The following THADA variants were observed in gnomAD, a reference collection of about 807,000 sequenced individuals.
THADA encodes THADA armadillo repeat containing.
THADA carries 213 observed loss-of-function variants against 219.8 expected under a neutral mutation model. The observed-to-expected ratio is 0.97, with a 90% CI of 0.87 to 1.09. The LOEUF (loss-of-function observed/expected upper bound fraction) is 1.09, where lower values mean the gene tolerates loss of function less well. Ranked by LOEUF, THADA falls within the 50% of genes least tolerant of loss-of-function variation. The probability of loss-of-function intolerance (pLI) is 0.00; values close to 1 mark genes in which losing one functional copy is unlikely to be tolerated. For missense variants in THADA, 2,956 were observed against 2,311.3 expected (o/e 1.28, Z -5.72); for synonymous variants, 1,018 against 828.9 (o/e 1.23, Z -3.92).
intron 24 of THADA, among the ~76,000 whole-genome samples, chr2:43,502,771 G>C (rs1361479995): frequency 6.6e-6 from 1 of 151,676 alleles, no homozygotes; most frequent in Non-Finnish European, 1.5e-5. Flanking sequence ...AAAGTAAAAA[G>C]AGAAAACATA....
intron 32 of THADA, 70 bp downstream of exon 32, chr2:43,292,764 C>G: frequency 1.3e-6 from 2 of 1,545,844 alleles, no homozygotes; most frequent in Non-Finnish European, 1.7e-6. Context: ...CTTCATGATC[C>G]TACCATTCCA....
At chr2:43,233,033 G>A (rs915222338) in intron 36 of THADA, 151 bp from the exon 37 acceptor site, 18 of 725,352 alleles carry the variant, frequency 2.5e-5, no homozygotes, top group African/African-American at 3.6e-5. Flanking sequence ...CACTGGAGAC[G>A]ATTAATCACC....
chr2:43,411,699 A>C (rs13429458), intron 28 of THADA, among the ~76,000 whole-genome samples: 20,962 of 152,206 alleles, frequency 0.14, 1,574 homozygotes, highest in East Asian at 0.2. Context: ...AAGATGAAAC[A>C]AAACTGATTA....
At chr2:43,340,158 G>A (rs1425304337) in intron 30 of THADA, among the ~76,000 whole-genome samples, 1 of 152,124 alleles carries the variant, frequency 6.6e-6, no homozygotes, top group Non-Finnish European at 1.5e-5. Context: ...GATCAAGAAG[G>A]GAGGAGTGGA....
At chr2:43,268,240 G>C (rs977221081) in intron 36 of THADA, among the ~76,000 whole-genome samples, 2 of 152,174 alleles carry the variant, frequency 1.3e-5, no homozygotes, top group Non-Finnish European at 2.9e-5. Flanking sequence ...TGATGCATCA[G>C]TGAACAGGTC....
At position 43,541,250 on chromosome 2, in the gene THADA, T is replaced by C. The variant is rs1310760511; in HGVS notation, c.3173A>G (p.Lys1058Arg). The C allele has an allele frequency of 6.2e-6, 10 of 1,612,818 alleles. No homozygotes were observed. Among genetic ancestry groups the C allele is most frequent in the Non-Finnish European group, 8.5e-6 (10 of 1,179,470 alleles). ...CATGCCTAAAAGTAAAGCAACTTCC[T>C]TCATACTTCTCCAACAACATACCAG... The part of the protein sequence containing the change: ...MVLVCCWRSM[K>R]EVALLLGMLC... Residue 1058 changes from lysine (K) to arginine (R), a missense_variant, in exon 21 of 38, where the codon AAG (lysine) becomes AGG (arginine). By Grantham distance (26) the Lys-to-Arg change is conservative (BLOSUM62 2). Transcript: ENST00000405975.
chr2:43,516,260 C>T (rs994150980), intron 22 of THADA, among the ~76,000 whole-genome samples: 1 of 152,156 alleles, frequency 6.6e-6, no homozygotes, highest in Non-Finnish European at 1.5e-5. Flanking sequence ...GATCATGTCA[C>T]TCCTCTGTTC....
At chr2:43,339,442 C>T (rs1385378797) in intron 30 of THADA, among the ~76,000 whole-genome samples, 1 of 152,114 alleles carries the variant, frequency 6.6e-6, no homozygotes, top group African/African-American at 2.4e-5. Flanking sequence ...CACCACTCAG[C>T]TAATTTTTTG....
intron 28 of THADA, among the ~76,000 whole-genome samples, chr2:43,405,285 A>G (rs1356587168): frequency 6.6e-6 from 1 of 152,210 alleles, no homozygotes; most frequent in South Asian, 2.1e-4. Context: ...AGGAAAACAT[A>G]TATGTGTGGG....
chr2:43,520,111 G>C (rs1304791375), intron 22 of THADA, among the ~76,000 whole-genome samples: 2 of 152,152 alleles, frequency 1.3e-5, no homozygotes, highest in African/African-American at 4.8e-5. Flanking sequence ...TAAAAAGAAA[G>C]GTTCTCGAGT....
intron 30 of THADA, among the ~76,000 whole-genome samples, chr2:43,336,742 A>C (rs1666483013): frequency 6.6e-6 from 1 of 152,234 alleles, no homozygotes; most frequent in Non-Finnish European, 1.5e-5. Flanking sequence ...ACCTCTCCAG[A>C]TGATTCTAAA....
In THADA at chr2:43,572,881, G is replaced by T. The variant is rs1272284995; in HGVS notation, c.1841C>A (p.Thr614Asn). The change falls in exon 12 of 38, where the codon ACT becomes AAT. Residue 614 changes from threonine (T) to asparagine (N), a missense_variant. By Grantham distance (65) the Thr-to-Asn change is moderately conservative. Coordinates refer to ENST00000405975, the MANE Select transcript of THADA (RefSeq NM_022065.5). ...ARAHGHLQSA[T>N]DTWENLVSDA... ...AGACACGAGGTTCTCCCAGGTATCA[G>T]TTGCAGACTGAAGATGTCCATGAGC... The T allele has an allele frequency of 2.5e-6, 4 of 1,613,940 alleles. No individual in the cohort carries two copies. The highest frequency in any genetic ancestry group is 2.2e-5 in the East Asian group (1 of 44,874).
At chr2:43,469,582 C>A (rs1400977660) in intron 26 of THADA, among the ~76,000 whole-genome samples, 1 of 152,084 alleles carries the variant, frequency 6.6e-6, no homozygotes, top group Non-Finnish European at 1.5e-5. Flanking sequence ...CTGATATAAT[C>A]TTATTTTTTA....
chr2:43,274,555 G>C (rs1195046132), intron 36 of THADA, among the ~76,000 whole-genome samples: 3 of 152,196 alleles, frequency 2.0e-5, no homozygotes, highest in African/African-American at 7.2e-5. Context: ...GCGTAGAATA[G>C]CAAAGGCTCT....
Position 43,586,423 on chromosome 2 carries a change from T to A in THADA, c.511A>T (p.Ile171Phe), listed in dbSNP as rs372211488. Residue 171 changes from isoleucine to phenylalanine, a missense_variant, in exon 7 of 38, where the codon ATT becomes TTT. Ile to Phe is a conservative substitution (Grantham distance 21). Transcript: ENST00000405975. ...NVLHFLQKSL[I>F]EILEENRKCA... The stretch of plus-strand genomic sequence containing the variant: ...TGCCTATTTTCTTCCAGGATTTCAA[T>A]TAAACTCTTCTGCAGAAAATGAAGC... 4.4e-6 allele frequency: 7 copies of A among 1,583,958 alleles called. No individual in the cohort carries two copies. The highest frequency in any genetic ancestry group is 4.0e-5 in the African/African-American group (3 of 74,220).
intron 16 of THADA, 77 bp downstream of exon 16, chr2:43,560,157 T>G: frequency 4.6e-6 from 6 of 1,291,732 alleles, no homozygotes; most frequent in Non-Finnish European, 6.4e-6. Flanking sequence ...AGCACATGAA[T>G]AATCCTCAGA....
intron 36 of THADA, among the ~76,000 whole-genome samples, chr2:43,253,975 G>A (rs150633437): frequency 1.3e-5 from 2 of 152,084 alleles, no homozygotes; most frequent in African/African-American, 4.8e-5. Context: ...TCTCCCTCTG[G>A]AGACCCAGCC....
chr2:43,386,677 T>C (rs1558677232), intron 29 of THADA, among the ~76,000 whole-genome samples: 1 of 152,154 alleles, frequency 6.6e-6, no homozygotes, highest in Non-Finnish European at 1.5e-5. Flanking sequence ...GTAGATTACC[T>C]GAGGTTGGGG....
intron 36 of THADA, among the ~76,000 whole-genome samples, chr2:43,253,376 T>C (rs188317526): frequency 5.6e-4 from 86 of 152,266 alleles, no homozygotes; most frequent in Admixed American, 1.2e-3. Flanking sequence ...TGGTCAACAC[T>C]TGGGCCCTTT....
Sources: gnomAD v4.1 joint callset for allele counts (sites outside exome capture counted in the v4.1 genomes callset) on GRCh38, gnomAD v4.1.1 for gene constraint, MANE v1.5 for transcripts, NCBI Gene and HGNC (gene_info 2026-07-23, HGNC 2026-07-21) for gene names.